Variants in PRORP observed in about 807,000 individuals in gnomAD.
PRORP encodes the protein mitochondrial ribonuclease P catalytic subunit.
Under a neutral mutation model 59.4 loss-of-function variants are expected in PRORP, and 51 were observed. The observed-to-expected ratio is 0.86, with a 90% CI of 0.69 to 1.08. The LOEUF (loss-of-function observed/expected upper bound fraction) is 1.08. Ranked by LOEUF, PRORP falls within the 50% of genes least tolerant of loss-of-function variation. The pLI, the probability that PRORP is intolerant of heterozygous loss-of-function variation, is 0.00. For missense variants in PRORP, 646 were observed against 690.3 expected (o/e 0.94, Z 0.72); for synonymous variants, 231 against 245.6 (o/e 0.94, Z 0.55).
chr14:35,218,459 TAAAAAAAG>T (rs1344966397), intron 5 of PRORP, among the ~76,000 whole-genome samples: 5 of 44,776 alleles, frequency 1.1e-4, no homozygotes, highest in African/African-American at 5.2e-4. Flanking sequence ...AGATCCTGTC[TAAAAAAAG>T]AAAAAAAAAA....
intron 4 of PRORP, among the ~76,000 whole-genome samples, chr14:35,153,844 T>C (rs2047843136): frequency 6.6e-6 from 1 of 152,234 alleles, no homozygotes; most frequent in Admixed American, 6.5e-5. Flanking sequence ...TAGAGAAATT[T>C]AAGAGGTCCT....
chr14:35,265,089 G>A (rs948303468), intron 5 of PRORP, among the ~76,000 whole-genome samples: 3 of 152,150 alleles, frequency 2.0e-5, no homozygotes, highest in Non-Finnish European at 4.4e-5. Context: ...TAACAGGTAC[G>A]AATGTAATAT....
intron 5 of PRORP, among the ~76,000 whole-genome samples, chr14:35,244,538 T>C (rs1342788097): frequency 1.3e-5 from 2 of 152,084 alleles, no homozygotes; most frequent in African/African-American, 2.4e-5. Flanking sequence ...GCCTGAATGA[T>C]TGGGTTTAAA....
chr14:35,191,351 G>T (rs1317996972), intron 5 of PRORP, among the ~76,000 whole-genome samples: 1 of 152,128 alleles, frequency 6.6e-6, no homozygotes, highest in Admixed American at 6.6e-5. Context: ...AAGCCACGTG[G>T]AACTGTGAGT....
rs1308619492 is a variant in PRORP, at chr14:35,276,855, C to T, written c.*3289C>T. On this transcript the variant is annotated 3_prime_UTR_variant, in exon 8 of 8. Transcript: ENST00000534898. ...CTTTTCCTCCTGCTGTTCTCAGACC[C>T]AGTGGAAAGAAAATCTCAAGGAAGA... 1 of 152,124 alleles carries T rather than the reference C, an allele frequency of 6.6e-6. No homozygotes were observed. The highest frequency in any genetic ancestry group is 2.4e-5 in the African/African-American group (1 of 41,426). The allele number at this position is 152,124 out of a possible 1,614,324, so 9.4% of individuals were successfully genotyped here.
chr14:35,271,259 A>G (rs1374315954), intron 7 of PRORP, among the ~76,000 whole-genome samples: 1 of 149,528 alleles, frequency 6.7e-6, no homozygotes, highest in Non-Finnish European at 1.5e-5. Flanking sequence ...CCCAGGTTCA[A>G]GCGATCCTCC....
chr14:35,168,803 G>A (rs746853913), intron 4 of PRORP, among the ~76,000 whole-genome samples: 21 of 152,074 alleles, frequency 1.4e-4, no homozygotes, highest in Non-Finnish European at 2.5e-4. Context: ...TGTTGCCCAA[G>A]AAATTTATGC....
At chr14:35,236,096 C>CAA (rs59458917) in intron 5 of PRORP, among the ~76,000 whole-genome samples, 1,973 of 61,862 alleles carry the variant, frequency 0.032, 30 homozygotes, top group Non-Finnish European at 0.043. Context: ...ACCCCATCTC[C>CAA]AAAAAAAAAA....
In PRORP at chr14:35,127,569, T is replaced by C; in HGVS notation, c.1125T>C (p.Asp375=). 6.2e-7 allele frequency: 1 copy of C among 1,613,960 alleles called. No homozygotes were observed. The highest frequency in any genetic ancestry group is 8.5e-7 in the Non-Finnish European group (1 of 1,179,910). ...GTCTTAAGGGAAAAATCATGAGGGA[T>C]GTGATAGATGGAGGTGACCAGTACA... ...YECLKGKIMR[D]VIDGGDQYRK... The change falls in exon 4 of 8, where the codon GAT becomes GAC. Residue 375 remains aspartate, a synonymous_variant. Transcript: ENST00000534898.
chr14:35,123,580 T>C lies in PRORP; in HGVS notation c.335T>C (p.Ile112Thr), dbSNP rs1322382091. The change falls in exon 2 of 8, where the codon ATT (isoleucine) becomes ACT (threonine). Residue 112 changes from isoleucine (I) to threonine (T), a missense_variant. Physicochemically the swap from Ile to Thr is moderately conservative, Grantham distance 89. Coordinates refer to ENST00000534898, the MANE Select transcript of PRORP (RefSeq NM_014672.4). ...GCCTTGGCACCTGTGAGGAACACTATTCAACTCCCAACACAACCTTTGAAT... is the reference window on the plus strand; with the variant it reads ...GCCTTGGCACCTGTGAGGAACACTACTCAACTCCCAACACAACCTTTGAAT... ...DHALAPVRNT[I>T]QLPTQPLNSE... 1.2e-6 allele frequency: 2 copies of C among 1,614,194 alleles called. No individual in the cohort carries two copies. Among genetic ancestry groups the C allele is most frequent in the African/African-American group, 1.3e-5 (1 of 75,046 alleles).
intron 4 of PRORP, among the ~76,000 whole-genome samples, chr14:35,147,644 T>C (rs1374794160): frequency 6.6e-6 from 1 of 152,218 alleles, no homozygotes; most frequent in Non-Finnish European, 1.5e-5. Flanking sequence ...TGTGTGGCAA[T>C]TTCTTAAAAT....
At chr14:35,258,765 A>G (rs2138624257) in intron 5 of PRORP, among the ~76,000 whole-genome samples, 2 of 152,238 alleles carry the variant, frequency 1.3e-5, no homozygotes, top group Middle Eastern at 6.8e-3. Flanking sequence ...TCTAGAATGA[A>G]CCGCGTATTG....
At chr14:35,134,444 G>A (rs1052484818) in intron 4 of PRORP, among the ~76,000 whole-genome samples, 3 of 152,182 alleles carry the variant, frequency 2.0e-5, no homozygotes, top group African/African-American at 4.8e-5. Context: ...GGCCCATGAT[G>A]TACTACCTGG....
chr14:35,200,106 C>T lies in PRORP; in HGVS notation c.1275+19329C>T, dbSNP rs138880189. 1.2e-3 allele frequency among the ~76,000 whole-genome samples: 182 copies of T among 152,178 alleles called. 1 individual carries two copies. The highest frequency in any genetic ancestry group is 4.2e-3 in the African/African-American group (176 of 41,512). On this transcript the variant is annotated intron_variant, in intron 5 of 7. Coordinates refer to ENST00000534898, the MANE Select transcript of PRORP (RefSeq NM_014672.4). ...GTATTTTAACAGTATTAATATTTTA[C>T]CAAAAGAACTTGAAGGTGAAAATCC... is the stretch of plus-strand genomic sequence containing the variant.
At chr14:35,167,946 T>A (rs936173444) in intron 4 of PRORP, among the ~76,000 whole-genome samples, 3 of 152,230 alleles carry the variant, frequency 2.0e-5, no homozygotes, top group Non-Finnish European at 2.9e-5. Context: ...TAATATTTTC[T>A]AAGGATTAGA....
rs1246541923 is a variant in PRORP, at chr14:35,276,919, C to T, written c.*3353C>T. The T allele has an allele frequency of 1.3e-5, 2 of 152,158 alleles. No individual in the cohort carries two copies. The highest frequency in any genetic ancestry group is 2.9e-5 in the Non-Finnish European group (2 of 68,036). 9.4% of individuals were successfully genotyped at this position (152,158 alleles called of 1,614,324 possible). A position where few individuals can be genotyped will look rare whatever the true frequency, so the allele number is the denominator to read the frequency against. Reference sequence around the variant, plus strand: ...TCTCTCAGGGCTCTGTTGGGTCTACCTCATCTGAGGTGGCTTATTCTTCAT... The same window carrying T: ...TCTCTCAGGGCTCTGTTGGGTCTACTTCATCTGAGGTGGCTTATTCTTCAT... On this transcript the variant is annotated 3_prime_UTR_variant, in exon 8 of 8. Transcript: ENST00000534898.
intron 5 of PRORP, among the ~76,000 whole-genome samples, chr14:35,185,392 A>G (rs192943124): frequency 3.3e-5 from 5 of 151,996 alleles, no homozygotes; most frequent in Non-Finnish European, 7.4e-5. Context: ...GTAAATTTGT[A>G]GTTTTAACCT....
At position 35,139,010 on chromosome 14, in the gene PRORP, C is replaced by T. The variant is rs371443599; in HGVS notation, c.1167+11399C>T. On this transcript the variant is annotated intron_variant, in intron 4 of 7. Coordinates refer to ENST00000534898, the MANE Select transcript of PRORP (RefSeq NM_014672.4). ...TTTACCATGTTGGCTAGGCTGGTGT[C>T]GAACTCCTGACCAAAAGTGATCCAC... is the stretch of plus-strand genomic sequence containing the variant. Among the ~76,000 whole-genome samples, 19 of 145,328 alleles carry T rather than the reference C, an allele frequency of 1.3e-4. 1 individual carries two copies. The highest frequency in any genetic ancestry group is 4.6e-4 in the African/African-American group (19 of 40,984).
At chr14:35,246,046 A>G (rs1434199671) in intron 5 of PRORP, among the ~76,000 whole-genome samples, 1 of 152,150 alleles carries the variant, frequency 6.6e-6, no homozygotes, top group African/African-American at 2.4e-5. Context: ...TTATGCTCCC[A>G]GTGTTACTCT....
Sources: allele counts gnomAD v4.1 joint callset (sites outside exome capture counted in the v4.1 genomes callset), GRCh38; gene constraint gnomAD v4.1.1; transcripts MANE v1.5; gene names NCBI Gene and HGNC (gene_info 2026-07-23, HGNC 2026-07-21).